Variants in SGK1 observed in about 807,000 individuals in gnomAD.
SGK1 encodes serum/glucocorticoid regulated kinase 1.
Under a neutral mutation model 64.2 loss-of-function variants are expected in SGK1, and 26 were observed. The observed-to-expected ratio is 0.40, with a 90% CI of 0.30 to 0.56. The LOEUF (loss-of-function observed/expected upper bound fraction) is 0.56, where lower values mean the gene tolerates loss of function less well. SGK1 is among the 20% of genes least tolerant of loss of function. SGK1 has a pLI of 0.38. For synonymous variants in SGK1, 265 were observed against 239.7 expected (o/e 1.11, Z -0.98); for missense variants, 519 against 645.6 (o/e 0.80, Z 2.12).
At chr6:134,194,256 C>T (rs899347659) in intron 3 of SGK1, among the ~76,000 whole-genome samples, 2 of 151,818 alleles carry the variant, frequency 1.3e-5, no homozygotes, top group Admixed American at 1.3e-4. Flanking sequence ...ATCACAGCAA[C>T]CAAACTTCAG....
chr6:134,304,508 C>T lies in SGK1; in HGVS notation c.69+12884G>A, dbSNP rs145910573. On this transcript the variant is annotated intron_variant, in intron 1 of 13. Transcript: ENST00000367858. ...CTCTACTAAAGATATAAAAGTTAGCCGGGTGTGGTGGCAGACTGAGGCAGG... is the reference window on the plus strand; with the variant it reads ...CTCTACTAAAGATATAAAAGTTAGCTGGGTGTGGTGGCAGACTGAGGCAGG... 1.3e-3 allele frequency among the ~76,000 whole-genome samples: 205 copies of T among 152,102 alleles called. 3 individuals carry two copies. Among genetic ancestry groups the T allele is most frequent in the African/African-American group, 4.8e-3 (199 of 41,506 alleles).
At chr6:134,284,467 G>C (rs1777147339) in intron 1 of SGK1, among the ~76,000 whole-genome samples, 1 of 149,258 alleles carries the variant, frequency 6.7e-6, no homozygotes, top group African/African-American at 2.4e-5. Flanking sequence ...TATGATATTT[G>C]GCTTTTTCTT....
intron 1 of SGK1, among the ~76,000 whole-genome samples, chr6:134,283,887 A>ACC: frequency 6.9e-6 from 1 of 144,618 alleles, no homozygotes; most frequent in Non-Finnish European, 1.5e-5. Flanking sequence ...AAAAAAAAAA[A>ACC]AAAAAAAAAA....
intron 1 of SGK1, chr6:134,296,998 A>G (rs1777362273): frequency 2.3e-6 from 1 of 427,920 alleles, no homozygotes; most frequent in Non-Finnish European, 4.6e-6. Flanking sequence ...ATGGCTGTTC[A>G]CTCGGGCAGG....
At chr6:134,240,453 G>T (rs1246102359) in intron 2 of SGK1, among the ~76,000 whole-genome samples, 5 of 152,148 alleles carry the variant, frequency 3.3e-5, no homozygotes, top group Admixed American at 6.6e-5. Flanking sequence ...TATAATGTAG[G>T]GAAAGGCATT....
chr6:134,303,045 G>A (rs1777481578), intron 1 of SGK1, among the ~76,000 whole-genome samples: 1 of 151,968 alleles, frequency 6.6e-6, no homozygotes, highest in Non-Finnish European at 1.5e-5. Context: ...ATGAGCCACC[G>A]TGCCCAGCCT....
At chr6:134,293,100 T>G (rs1478011441) in intron 1 of SGK1, among the ~76,000 whole-genome samples, 1 of 152,224 alleles carries the variant, frequency 6.6e-6, no homozygotes, top group Non-Finnish European at 1.5e-5. Flanking sequence ...TTTTAAGTTC[T>G]GAAGAATTAA....
chr6:134,309,657 T>C (rs1240204896), intron 1 of SGK1, among the ~76,000 whole-genome samples: 1 of 152,158 alleles, frequency 6.6e-6, no homozygotes, highest in Non-Finnish European at 1.5e-5. Flanking sequence ...AAGACTCTTT[T>C]TACCCTGCGA....
intron 1 of SGK1, among the ~76,000 whole-genome samples, chr6:134,285,504 C>T (rs1314089147): frequency 1.3e-5 from 2 of 150,232 alleles, no homozygotes; most frequent in East Asian, 1.9e-4. Context: ...AAAGGTGGTC[C>T]CTTTTCACCA....
rs559802722 is a variant in SGK1 at position 134,205,532 on chromosome 6, T to C, written c.361+1824A>G. Among the ~76,000 whole-genome samples the C allele has an allele frequency of 5.9e-5, 9 of 152,316 alleles. No individual in the cohort carries two copies. In the East Asian group the frequency reaches 1.2e-3, roughly 20 times the overall value. ...ACTCCCTTTTATGAAGAACAGATTA[T>C]AGCACAGATTTAGCCCAAGCTGTTT... On this transcript the variant is annotated intron_variant, in intron 3 of 13. Coordinates refer to ENST00000367858, the MANE Select transcript of SGK1 (RefSeq NM_001143676.3).
At chr6:134,249,841 G>T (rs928684) in intron 2 of SGK1, among the ~76,000 whole-genome samples, 1 of 152,180 alleles carries the variant, frequency 6.6e-6, no homozygotes, top group Non-Finnish European at 1.5e-5. Flanking sequence ...AAATAACTCA[G>T]GGCTGCTGAT....
chr6:134,189,720 A>G (rs954205015), intron 3 of SGK1, among the ~76,000 whole-genome samples: 61 of 152,262 alleles, frequency 4.0e-4, no homozygotes, highest in African/African-American at 1.3e-3. Context: ...TGTTGTTTAT[A>G]TACCTTATTA....
chr6:134,297,209 C>T (rs1777368805), intron 1 of SGK1: 4 of 879,214 alleles, frequency 4.5e-6, no homozygotes, highest in Non-Finnish European at 7.4e-6. Flanking sequence ...CATTCTGTAT[C>T]CCAGACTCCA....
At position 134,266,220 on chromosome 6, in the gene SGK1, G is replaced by T. The variant is rs140476231; in HGVS notation, c.70-4072C>A. 8.9e-3 allele frequency among the ~76,000 whole-genome samples: 1,321 copies of T among 148,960 alleles called. 11 individuals carry two copies. Among genetic ancestry groups the T allele is most frequent in the Admixed American group, 0.014 (212 of 14,978 alleles). On this transcript the variant is annotated intron_variant, in intron 1 of 13. Coordinates refer to ENST00000367858, the MANE Select transcript of SGK1 (RefSeq NM_001143676.3). ...GGCCGGTCTTGAACTCCTGATCTCG[G>T]GTGATCCACCCACCTCAGCCTCCCA... is the stretch of plus-strand genomic sequence containing the variant.
rs373959938 is a variant in SGK1 at position 134,229,728 on chromosome 6, C to T, written c.286-22297G>A. ...GCATGCATATACATGAATATATCTG[C>T]GGTGAGTTCCTCTTTGTTTGTGTGT... On this transcript the variant is annotated intron_variant, in intron 2 of 13. Transcript: ENST00000367858. Among the ~76,000 whole-genome samples, 10 of 152,280 alleles carry T rather than the reference C, an allele frequency of 6.6e-5. No homozygotes were observed. In the East Asian group the frequency reaches 1.2e-3, roughly 18 times the overall value.
At chr6:134,208,713 T>G (rs1775832029) in intron 2 of SGK1, among the ~76,000 whole-genome samples, 1 of 151,970 alleles carries the variant, frequency 6.6e-6, no homozygotes, top group Admixed American at 6.6e-5. Flanking sequence ...TATTATTTTG[T>G]TCTTTTTTGG....
intron 2 of SGK1, among the ~76,000 whole-genome samples, chr6:134,236,028 T>A (rs1279916803): frequency 6.6e-6 from 1 of 152,168 alleles, no homozygotes; most frequent in Non-Finnish European, 1.5e-5. Flanking sequence ...ACATGCTCCA[T>A]CCTCACAGGT....
At chr6:134,275,176 T>C (rs1447351391) in intron 1 of SGK1, among the ~76,000 whole-genome samples, 1 of 152,092 alleles carries the variant, frequency 6.6e-6, no homozygotes, top group African/African-American at 2.4e-5. Context: ...CTTAAAAAAA[T>C]AAGTAAATAA....
At chr6:134,232,425 A>AG (rs1562259726) in intron 2 of SGK1, among the ~76,000 whole-genome samples, 1 of 41,976 alleles carries the variant, frequency 2.4e-5, no homozygotes, top group African/African-American at 9.1e-5. Flanking sequence ...GAAAGAAAGA[A>AG]AGAAAGAAAG....
Sources: gnomAD v4.1 joint callset for allele counts (sites outside exome capture counted in the v4.1 genomes callset) on GRCh38, gnomAD v4.1.1 for gene constraint, MANE v1.5 for transcripts, NCBI Gene and HGNC (gene_info 2026-07-23, HGNC 2026-07-21) for gene names.